Variants in DPP10 observed in about 807,000 individuals in gnomAD.
The protein encoded by DPP10 is inactive dipeptidyl peptidase 10.
A neutral mutation model predicts 120.9 loss-of-function variants in DPP10; 33 were observed. That is an observed-to-expected ratio of 0.27 (90% CI 0.21 to 0.37). The LOEUF is 0.37. Ranked by LOEUF, DPP10 falls within the 10% of genes least tolerant of loss-of-function variation. The probability of loss-of-function intolerance (pLI) is 1.00; values close to 1 mark genes in which losing one functional copy is unlikely to be tolerated. For synonymous variants in DPP10, 337 were observed against 326.1 expected (o/e 1.03, Z -0.36); for missense variants, 816 against 942.8 (o/e 0.87, Z 1.76).
intron 13 of DPP10, among the ~76,000 whole-genome samples, chr2:115,771,028 G>A (rs1681393768): frequency 6.6e-6 from 1 of 151,476 alleles, no homozygotes; most frequent in African/African-American, 2.4e-5. Context: ...TAGCTGCTCA[G>A]CATTACAGCA....
chr2:115,141,909 G>C (rs182402966), intron 1 of DPP10, among the ~76,000 whole-genome samples: 1 of 152,022 alleles, frequency 6.6e-6, no homozygotes, highest in Non-Finnish European at 1.5e-5. Flanking sequence ...GTGTAGGGGG[G>C]ACTACAGGTG....
chr2:114,505,378 G>A (rs1056336972), intron 1 of DPP10, among the ~76,000 whole-genome samples: 1 of 151,898 alleles, frequency 6.6e-6, no homozygotes, highest in Non-Finnish European at 1.5e-5. Context: ...ATTCATTTCA[G>A]CATTGATTCC....
At chr2:114,789,297 G>A (rs1035433409) in intron 1 of DPP10, among the ~76,000 whole-genome samples, 2 of 152,160 alleles carry the variant, frequency 1.3e-5, no homozygotes, top group African/African-American at 2.4e-5. Flanking sequence ...GCTTTGCAAG[G>A]TTAAATAGGG....
At chr2:115,105,422 T>TGAGAGAGAGAGAGAGA (rs10565038) in intron 1 of DPP10, among the ~76,000 whole-genome samples, 8 of 146,238 alleles carry the variant, frequency 5.5e-5, no homozygotes, top group African/African-American at 2.0e-4. Flanking sequence ...TGTCACATGG[T>TGAGAGAGAGAGAGAGA]GAGAGAGAGA....
intron 3 of DPP10, among the ~76,000 whole-genome samples, chr2:115,491,318 T>C (rs559481245): frequency 6.6e-6 from 1 of 152,252 alleles, no homozygotes; most frequent in African/African-American, 2.4e-5. Flanking sequence ...GGGGGAGTCT[T>C]GCTAAACTGG....
In DPP10 at chr2:115,405,586, C is replaced by G. The variant is rs565265002; in HGVS notation, c.271+61674C>G. Reference sequence around the variant, plus strand: ...CTCTGTGCTGACTCTGCCACTGTGACAGATTTCTGCCTGAGCTCCTAGGCA... The same window carrying G: ...CTCTGTGCTGACTCTGCCACTGTGAGAGATTTCTGCCTGAGCTCCTAGGCA... On this transcript the variant is annotated intron_variant, in intron 3 of 25. Coordinates refer to ENST00000410059, the MANE Select transcript of DPP10 (RefSeq NM_020868.6). Among the ~76,000 whole-genome samples the G allele has an allele frequency of 5.3e-5, 8 of 152,268 alleles. 1 individual carries two copies. The highest frequency in any genetic ancestry group is 1.9e-4 in the African/African-American group (8 of 41,558).
intron 3 of DPP10, among the ~76,000 whole-genome samples, chr2:115,445,912 C>T (rs952755165): frequency 1.3e-5 from 2 of 152,112 alleles, no homozygotes; most frequent in Non-Finnish European, 2.9e-5. Context: ...AAGATGGGCC[C>T]AGGACCCCAC....
In DPP10 at chr2:114,545,280, A is replaced by G. The variant is rs559035128; in HGVS notation, c.60+102442A>G. On this transcript the variant is annotated intron_variant, in intron 1 of 25. Coordinates refer to ENST00000410059, the MANE Select transcript of DPP10 (RefSeq NM_020868.6). ...TATAAGTTAATAAATTTTAAATATT[A>G]TAATTAATTTCACTTTCATTTTAAC... is the stretch of plus-strand genomic sequence containing the variant. 1.2e-4 allele frequency among the ~76,000 whole-genome samples: 19 copies of G among 152,282 alleles called. No homozygotes were observed. The East Asian group carries it at 1.3e-3, about 11-fold the overall frequency.
chr2:115,791,530 A>T (rs1009708151), intron 19 of DPP10, among the ~76,000 whole-genome samples, 174 bp downstream of exon 19: 5 of 152,182 alleles, frequency 3.3e-5, no homozygotes, highest in Non-Finnish European at 7.4e-5. Context: ...ATGTATAAAG[A>T]TGTGTAAATT....
chr2:115,322,806 A>C (rs1040431624), intron 2 of DPP10, among the ~76,000 whole-genome samples: 1 of 152,184 alleles, frequency 6.6e-6, no homozygotes, highest in African/African-American at 2.4e-5. Context: ...TCGTATTTGT[A>C]GTTTATTAAG....
intron 1 of DPP10, among the ~76,000 whole-genome samples, chr2:114,852,151 CTTT>C (rs34580352): frequency 1.9e-5 from 1 of 53,728 alleles, no homozygotes; most frequent in African/African-American, 8.5e-5. Context: ...CGATTGCATC[CTTT>C]TTTTTTTTTT....
intron 1 of DPP10, among the ~76,000 whole-genome samples, chr2:114,933,847 A>G (rs1199799503): frequency 6.6e-6 from 1 of 152,148 alleles, no homozygotes; most frequent in Non-Finnish European, 1.5e-5. Context: ...TTTCACCGCA[A>G]TAATTCTCAG....
intron 1 of DPP10, among the ~76,000 whole-genome samples, chr2:114,472,857 A>G (rs553703841): frequency 4.6e-5 from 7 of 152,308 alleles, no homozygotes; most frequent in Admixed American, 2.6e-4. Flanking sequence ...GTAAAATCCT[A>G]TGTGGTCCAG....
chr2:115,535,175 G>A (rs1241305359), intron 5 of DPP10, among the ~76,000 whole-genome samples: 1 of 152,010 alleles, frequency 6.6e-6, no homozygotes, highest in Non-Finnish European at 1.5e-5. Context: ...TTTTAGACAT[G>A]AAGTCCTCGC....
chr2:115,194,026 A>C (rs1448533452), intron 1 of DPP10, among the ~76,000 whole-genome samples: 1 of 152,178 alleles, frequency 6.6e-6, no homozygotes, highest in Non-Finnish European at 1.5e-5. Flanking sequence ...TTTCTAACAA[A>C]ATAGCCTCAC....
chr2:115,739,762 G>GC lies in DPP10; in HGVS notation c.724dup (p.His242ProfsTer17). On this transcript the variant is annotated frameshift_variant, in exon 9 of 26. Coordinates refer to ENST00000410059, the MANE Select transcript of DPP10 (RefSeq NM_020868.6). LOFTEE classifies it high-confidence loss of function. ...AGAGGAACTCCTGCATTCTCACATC[G>GC]CCCACTGGTGGTCACCAGATGGAGA... 3 of 1,613,254 alleles carry GC rather than the reference G, an allele frequency of 1.9e-6. No individual in the cohort carries two copies. The highest frequency in any genetic ancestry group is 2.5e-6 in the Non-Finnish European group (3 of 1,179,396).
intron 1 of DPP10, among the ~76,000 whole-genome samples, chr2:114,511,742 C>T (rs1684162825): frequency 6.6e-6 from 1 of 152,154 alleles, no homozygotes; most frequent in African/African-American, 2.4e-5. Flanking sequence ...CACACGTTGG[C>T]TCCCAAACCT....
At chr2:115,442,856 A>C (rs753978115) in intron 3 of DPP10, among the ~76,000 whole-genome samples, 1 of 152,162 alleles carries the variant, frequency 6.6e-6, no homozygotes, top group Non-Finnish European at 1.5e-5. Flanking sequence ...TCCGTCATCT[A>C]TCTAAGATGA....
At chr2:115,103,069 T>G (rs2048770964) in intron 1 of DPP10, among the ~76,000 whole-genome samples, 1 of 152,144 alleles carries the variant, frequency 6.6e-6, no homozygotes, top group Non-Finnish European at 1.5e-5. Flanking sequence ...CTATAAAAAA[T>G]GAACTCTAAA....
Sources: allele counts gnomAD v4.1 joint callset (sites outside exome capture counted in the v4.1 genomes callset), GRCh38; gene constraint gnomAD v4.1.1; transcripts MANE v1.5; gene names NCBI Gene and HGNC (gene_info 2026-07-23, HGNC 2026-07-21).